The following TSPEAR variants were observed in gnomAD, a reference collection of about 807,000 sequenced individuals.
TSPEAR encodes thrombospondin type laminin G domain and EAR repeats.
Under a neutral mutation model 71.6 loss-of-function variants are expected in TSPEAR, and 69 were observed. That is an observed-to-expected ratio of 0.96 (90% confidence interval 0.79 to 1.18). TSPEAR has a LOEUF of 1.18. Ranked by LOEUF, TSPEAR falls within the 50% of genes most tolerant of loss-of-function variation. TSPEAR has a pLI of 0.00. For synonymous variants in TSPEAR, 402 were observed against 387.2 expected, an observed-to-expected ratio of 1.04 and a Z score of -0.45; for missense variants, 971 against 894.9, an observed-to-expected ratio of 1.09 and a Z score of -1.09.
At chr21:44,515,040 C>A (rs142905558) in intron 9 of TSPEAR, among the ~76,000 whole-genome samples, 322 of 152,312 alleles carry the variant, frequency 2.1e-3, no homozygotes, top group African/African-American at 7.3e-3. Flanking sequence ...CACACCCCCG[C>A]AGACCCCTCC....
chr21:44,608,236 A>G (rs1981435194), intron 1 of TSPEAR, among the ~76,000 whole-genome samples: 2 of 152,178 alleles, frequency 1.3e-5, no homozygotes, highest in Admixed American at 1.3e-4. Context: ...ACTTTTTAAA[A>G]ACTTCATTTT....
intron 1 of TSPEAR, among the ~76,000 whole-genome samples, chr21:44,619,985 G>A (rs1480418569): frequency 2.0e-5 from 3 of 152,306 alleles, no homozygotes; most frequent in African/African-American, 4.8e-5. Context: ...CAAACTTCCA[G>A]AATTGAGGAA....
chr21:44,598,902 A>T (rs417538), intron 1 of TSPEAR, among the ~76,000 whole-genome samples: 22,407 of 151,966 alleles, frequency 0.15, 2,740 homozygotes, highest in African/African-American at 0.33. Context: ...TTTGTTTCAT[A>T]TTTCACCTTT....
rs1985818288 is a variant in TSPEAR, at chr21:44,666,976, T to A, written c.82+44457A>T. 11 of 1,404,708 alleles carry A rather than the reference T, an allele frequency of 7.8e-6. No individual in the cohort carries two copies. The South Asian group carries it at 1.5e-4, about 19-fold the overall frequency. 87.0% of individuals were successfully genotyped at this position (1,404,708 alleles called of 1,614,324 possible). The stretch of plus-strand genomic sequence containing the variant: ...CAGCCTTTATACCTGGGCCCAGGCA[T>A]CCCCACAGCACAGAAGCACACCTGT... On this transcript the variant is annotated intron_variant, in intron 1 of 11. Transcript: ENST00000323084.
At chr21:44,574,994 A>C in intron 1 of TSPEAR, 1 of 1,609,464 alleles carries the variant, frequency 6.2e-7, no homozygotes, top group Non-Finnish European at 8.5e-7. Flanking sequence ...CAGCCTGCTG[A>C]GGCCTCCGCT....
At chr21:44,701,275 T>C (rs1181130657) in intron 1 of TSPEAR, among the ~76,000 whole-genome samples, 1 of 152,096 alleles carries the variant, frequency 6.6e-6, no homozygotes, top group African/African-American at 2.4e-5. Context: ...TTCGATACCT[T>C]CCTTCCAGCG....
chr21:44,540,125 C>T, intron 2 of TSPEAR: 1 of 1,613,656 alleles, frequency 6.2e-7, no homozygotes, highest in African/African-American at 1.3e-5. Flanking sequence ...AGCGCTGGAG[C>T]AGACGGACAT....
chr21:44,558,357 C>T lies in TSPEAR; in HGVS notation c.303+9428G>A, dbSNP rs1321830446. 1 of 1,612,688 alleles carries T rather than the reference C, an allele frequency of 6.2e-7. No homozygotes were observed. Among genetic ancestry groups the T allele is most frequent in the Admixed American group, 1.7e-5 (1 of 59,914 alleles). On this transcript the variant is annotated intron_variant, in intron 2 of 11. Transcript: ENST00000323084. Reference sequence around the variant, plus strand: ...GACGGGCACACAGCAGATGGGCTTGCAGCAGACAGGCTTGCAGCAGACGGG... The same window carrying T: ...GACGGGCACACAGCAGATGGGCTTGTAGCAGACAGGCTTGCAGCAGACGGG...
rs1555948157 is a variant in TSPEAR at position 44,682,109 on chromosome 21, G to C, written c.82+29324C>G. ...AGGCTGGCTGGCAGCCCGAGGAGCA[G>C]CTGGTGTGGCACATGGTGGCGTGTG... On this transcript the variant is annotated intron_variant, in intron 1 of 11. Transcript: ENST00000323084. 7.4e-6 allele frequency: 12 copies of C among 1,613,690 alleles called. No homozygotes were observed. In the Admixed American group the frequency reaches 1.2e-4, roughly 16 times the overall value.
At position 44,612,261 on chromosome 21, in the gene TSPEAR, G is replaced by T; in HGVS notation, c.83-44256C>A. The T allele has an allele frequency of 6.2e-7, 1 of 1,613,436 alleles. No individual in the cohort carries two copies. The highest frequency in any genetic ancestry group is 8.5e-7 in the Non-Finnish European group (1 of 1,179,974). On this transcript the variant is annotated intron_variant, in intron 1 of 11. Coordinates refer to ENST00000323084, the MANE Select transcript of TSPEAR (RefSeq NM_144991.3). The surrounding 1 kb of genome is among the most constrained non-coding windows in gnomAD (Gnocchi z 4.1). The stretch of plus-strand genomic sequence containing the variant: ...TGCCAGGAAAGCTGCTGCGAGCCCC[G>T]CTCCTGTGCCTCCAGCTGCTGTACC...
At chr21:44,595,185 C>T (rs1159147835) in intron 1 of TSPEAR, among the ~76,000 whole-genome samples, 1 of 152,164 alleles carries the variant, frequency 6.6e-6, no homozygotes, top group Non-Finnish European at 1.5e-5. Context: ...GAAGCAGCTA[C>T]TTTCACCCAT....
Position 44,499,731 on chromosome 21 carries a change from C to A in TSPEAR, c.*52G>T. The A allele has an allele frequency of 6.6e-7, 1 of 1,504,320 alleles. No homozygotes were observed. Among genetic ancestry groups the A allele is most frequent in the African/African-American group, 1.4e-5 (1 of 70,854 alleles). The allele number at this position is 1,504,320 out of a possible 1,614,324, so 93.2% of individuals were successfully genotyped here. ...CGTCCAGGGTCAGTTGGGGGAGGTG[C>A]TGGGGTCCCGCCCCACCTGGCCACC... On this transcript the variant is annotated 3_prime_UTR_variant, in exon 12 of 12. Coordinates refer to ENST00000323084, the MANE Select transcript of TSPEAR (RefSeq NM_144991.3).
rs1555940240 is a variant in TSPEAR at position 44,647,135 on chromosome 21, G to A, written c.82+64298C>T. 4 of 1,614,008 alleles carry A rather than the reference G, an allele frequency of 2.5e-6. No homozygotes were observed. The South Asian group carries it at 4.4e-5, about 18-fold the overall frequency. ...CAGCCTAGCTGCCAGCCAGCTTGCT[G>A]CACCACCTCCTGCTGCAGACCCTCC... On this transcript the variant is annotated intron_variant, in intron 1 of 11. Coordinates refer to ENST00000323084, the MANE Select transcript of TSPEAR (RefSeq NM_144991.3).
rs587604924 is a variant in TSPEAR at position 44,498,452 on chromosome 21, G to A, written c.*1331C>T. The A allele has an allele frequency of 3.9e-5, 6 of 152,332 alleles. No individual in the cohort carries two copies. Among genetic ancestry groups the A allele is most frequent in the Admixed American group, 2.6e-4 (4 of 15,310 alleles). The allele number at this position is 152,332 out of a possible 1,614,324, so 9.4% of individuals were successfully genotyped here. Reference sequence around the variant, plus strand: ...TCGGCGACTGCCCCCAGAGGGGAGTGGCTCTCCACTGGCCACAGCGATGGC... The same window carrying A: ...TCGGCGACTGCCCCCAGAGGGGAGTAGCTCTCCACTGGCCACAGCGATGGC... On this transcript the variant is annotated 3_prime_UTR_variant, in exon 12 of 12. Transcript: ENST00000323084.
intron 1 of TSPEAR, among the ~76,000 whole-genome samples, chr21:44,703,506 G>T (rs1228858714): frequency 6.6e-6 from 1 of 152,208 alleles, no homozygotes; most frequent in Non-Finnish European, 1.5e-5. Flanking sequence ...AGGGCCCTCT[G>T]CAGGCACAGC....
chr21:44,709,774 G>A (rs1555953233), intron 1 of TSPEAR, among the ~76,000 whole-genome samples: 3 of 152,258 alleles, frequency 2.0e-5, no homozygotes, highest in African/African-American at 4.8e-5. Context: ...GCGAGCGCGC[G>A]CCTGTGCTTC....
At chr21:44,580,101 G>T (rs782428456) in intron 1 of TSPEAR, 1 of 1,613,656 alleles carries the variant, frequency 6.2e-7, no homozygotes, top group East Asian at 2.2e-5. Flanking sequence ...CAGCAAGTCG[G>T]CTGGCAGCTA....
chr21:44,514,273 C>T (rs1443960348), intron 9 of TSPEAR, among the ~76,000 whole-genome samples: 2 of 152,252 alleles, frequency 1.3e-5, no homozygotes, highest in African/African-American at 4.8e-5. Context: ...CTAAGCACCA[C>T]ATGGCTGCCT....
intron 1 of TSPEAR, among the ~76,000 whole-genome samples, chr21:44,705,104 A>T (rs1398138220): frequency 6.6e-6 from 1 of 152,238 alleles, no homozygotes; most frequent in Non-Finnish European, 1.5e-5. Flanking sequence ...TTTTATGGAC[A>T]TTTATTAGTT....
Sources: gnomAD v4.1 joint callset for allele counts (sites outside exome capture counted in the v4.1 genomes callset) on GRCh38, gnomAD v4.1.1 for gene constraint, Gnocchi (gnomAD v3.1) non-coding constraint, MANE v1.5 for transcripts, NCBI Gene and HGNC (gene_info 2026-07-23, HGNC 2026-07-21) for gene names.